The following MAGI2 variants were observed in gnomAD, a reference collection of about 807,000 sequenced individuals.
The protein encoded by MAGI2 is membrane-associated guanylate kinase, WW and PDZ domain-containing protein 2.
In MAGI2, 35 loss-of-function variants were observed where a neutral mutation model predicts 133.3. The ratio of observed to expected loss-of-function variants is 0.26; its 90% CI spans 0.20 to 0.35. The LOEUF is 0.35. Ranked by LOEUF, MAGI2 falls within the 10% of genes least tolerant of loss-of-function variation. MAGI2 has a pLI of 1.00. For synonymous variants in MAGI2, 729 were observed against 710.6 expected (o/e 1.03, Z -0.41); for missense variants, 1,636 against 1,863.4 (o/e 0.88, Z 2.25).
At chr7:79,442,859 G>A (rs1268921934) in intron 1 of MAGI2, among the ~76,000 whole-genome samples, 2 of 151,904 alleles carry the variant, frequency 1.3e-5, no homozygotes, top group Admixed American at 6.6e-5. Context: ...ACATTTTAGT[G>A]ACCCTCCAAG....
chr7:79,168,781 A>C (rs1014707417), intron 1 of MAGI2, among the ~76,000 whole-genome samples: 71 of 151,794 alleles, frequency 4.7e-4, no homozygotes, highest in African/African-American at 1.5e-3. Context: ...ATTGTTTCAT[A>C]TTACACCCTG....
At chr7:78,244,650 T>G (rs1192140015) in intron 10 of MAGI2, among the ~76,000 whole-genome samples, 1 of 152,194 alleles carries the variant, frequency 6.6e-6, no homozygotes, top group Non-Finnish European at 1.5e-5. Context: ...CAATGTCATT[T>G]AAAGTTGATG....
At chr7:79,174,423 A>G (rs1328000239) in intron 1 of MAGI2, among the ~76,000 whole-genome samples, 1 of 152,128 alleles carries the variant, frequency 6.6e-6, no homozygotes, top group African/African-American at 2.4e-5. Context: ...GAATTCACAC[A>G]TACACAAATG....
intron 3 of MAGI2, among the ~76,000 whole-genome samples, chr7:78,571,911 G>A (rs1344276199): frequency 6.6e-6 from 1 of 152,020 alleles, no homozygotes; most frequent in Non-Finnish European, 1.5e-5. Context: ...TTGTAGACAT[G>A]GGCTCTTTCC....
chr7:78,255,999 T>C lies in MAGI2; in HGVS notation c.1991A>G (p.Asp664Gly), dbSNP rs899217545. ...VQNLSHTEVVDILKDCPIGSE... is the reference protein window; with the variant it reads ...VQNLSHTEVVGILKDCPIGSE... ...TCCAATGGGACAGTCCTTAAGTATA[T>C]CCACTACTTCTGTATGGCTCAGGTT... The change falls in exon 10 of 22, where the codon GAT becomes GGT. Residue 664 changes from aspartate to glycine, a missense_variant. This residue lies in a region of MAGI2 where 920 missense variants were observed against 1,093.5 expected (regional missense o/e 0.84). Transcript: ENST00000354212. The C allele has an allele frequency of 1.2e-6, 2 of 1,613,720 alleles. No individual in the cohort carries two copies. Among genetic ancestry groups the C allele is most frequent in the Non-Finnish European group, 1.7e-6 (2 of 1,179,922 alleles).
chr7:78,706,113 G>C (rs191145488), intron 2 of MAGI2, among the ~76,000 whole-genome samples: 4 of 151,998 alleles, frequency 2.6e-5, no homozygotes, highest in Admixed American at 2.6e-4. Flanking sequence ...ATTCTGGTTA[G>C]GAGTCATTTA....
intron 2 of MAGI2, among the ~76,000 whole-genome samples, chr7:78,945,993 C>T (rs1012745727): frequency 2.0e-5 from 3 of 152,122 alleles, no homozygotes; most frequent in African/African-American, 7.2e-5. Context: ...TTTATTGTTA[C>T]TCAACATCTT....
chr7:79,281,240 G>C (rs1835618384), intron 1 of MAGI2, among the ~76,000 whole-genome samples: 1 of 152,184 alleles, frequency 6.6e-6, no homozygotes, highest in Non-Finnish European at 1.5e-5. Flanking sequence ...TGGTGTGCAT[G>C]AGAACCATGT....
At chr7:78,491,281 C>T (rs1043510033) in intron 5 of MAGI2, among the ~76,000 whole-genome samples, 33 of 151,962 alleles carry the variant, frequency 2.2e-4, no homozygotes, top group Non-Finnish European at 4.1e-4. Context: ...AAAGCTATTC[C>T]GAGGTGTTAA....
intron 2 of MAGI2, among the ~76,000 whole-genome samples, chr7:78,655,451 A>C (rs1162321585): frequency 2.1e-5 from 2 of 96,316 alleles, no homozygotes; most frequent in African/African-American, 3.9e-5. Context: ...AAAAAAAAAC[A>C]ACCAAAAAAA....
chr7:78,044,135 A>C (rs1004629235), intron 21 of MAGI2, among the ~76,000 whole-genome samples: 1 of 152,242 alleles, frequency 6.6e-6, no homozygotes, highest in Non-Finnish European at 1.5e-5. Flanking sequence ...GTTCATTAAA[A>C]TAATGTGACT....
At chr7:79,071,564 C>A (rs1272774012) in intron 1 of MAGI2, among the ~76,000 whole-genome samples, 2 of 152,166 alleles carry the variant, frequency 1.3e-5, no homozygotes, top group East Asian at 3.9e-4. Context: ...CCCCTTCCCC[C>A]AGGTGCTCTG....
rs541507423 is a variant in MAGI2 at position 78,292,743 on chromosome 7, C to T, written c.1409-36162G>A. ...ACTGGTACGAAAACAGAGATATAGA[C>T]CAATGGAACAGAACAGAGCCCCTGG... On this transcript the variant is annotated intron_variant, in intron 9 of 21. Transcript: ENST00000354212. Among the ~76,000 whole-genome samples, 43 of 152,210 alleles carry T rather than the reference C, an allele frequency of 2.8e-4. No individual in the cohort carries two copies. In the South Asian group the frequency reaches 7.3e-3, roughly 26 times the overall value.
intron 4 of MAGI2, among the ~76,000 whole-genome samples, chr7:78,502,299 A>G (rs1038399313): frequency 1.3e-5 from 2 of 152,214 alleles, no homozygotes; most frequent in Non-Finnish European, 2.9e-5. Context: ...CTACTAAATC[A>G]TGGTCAAAGA....
At chr7:79,163,183 T>C (rs1824553141) in intron 1 of MAGI2, among the ~76,000 whole-genome samples, 1 of 152,076 alleles carries the variant, frequency 6.6e-6, no homozygotes, top group Non-Finnish European at 1.5e-5. Context: ...TTTATTTATG[T>C]ATATATTTTT....
intron 6 of MAGI2, among the ~76,000 whole-genome samples, chr7:78,411,349 A>T (rs1797857065): frequency 6.6e-6 from 1 of 152,022 alleles, no homozygotes. Flanking sequence ...TATTGAACTG[A>T]GATTTCTTAC....
At chr7:78,969,367 C>T (rs1274077120) in intron 2 of MAGI2, among the ~76,000 whole-genome samples, 1 of 152,086 alleles carries the variant, frequency 6.6e-6, no homozygotes, top group Non-Finnish European at 1.5e-5. Flanking sequence ...GGGTAACCTA[C>T]TTTCTCAACA....
chr7:78,913,589 C>T (rs1798574730), intron 2 of MAGI2, among the ~76,000 whole-genome samples: 1 of 152,132 alleles, frequency 6.6e-6, no homozygotes. Flanking sequence ...AAGAGTAACT[C>T]CTAGAGCATC....
chr7:79,386,354 T>C (rs1455152668), intron 1 of MAGI2, among the ~76,000 whole-genome samples: 1 of 152,028 alleles, frequency 6.6e-6, no homozygotes, highest in East Asian at 1.9e-4. Context: ...TTCAAAATTG[T>C]GAAATAAAAT....
Sources: allele counts gnomAD v4.1 joint callset (sites outside exome capture counted in the v4.1 genomes callset), GRCh38; gene constraint gnomAD v4.1.1; regional missense constraint gnomAD v4.1.1; transcripts MANE v1.5; gene names NCBI Gene and HGNC (gene_info 2026-07-23, HGNC 2026-07-21).